GLRA2: variants seen among roughly 807,000 people sequenced by gnomAD.
GLRA2 encodes the protein glycine receptor subunit alpha-2.
Under a neutral mutation model 31.6 loss-of-function variants are expected in GLRA2, and 11 were observed. The ratio of observed to expected loss-of-function variants is 0.35; its 90% CI spans 0.22 to 0.58. The LOEUF (loss-of-function observed/expected upper bound fraction) is 0.58, where lower values mean the gene tolerates loss of function less well. Ranked by LOEUF, GLRA2 falls within the 20% of genes least tolerant of loss-of-function variation. GLRA2 has a pLI of 0.84. For synonymous variants in GLRA2, 132 were observed against 134.0 expected (o/e 0.99, Z 0.10); for missense variants, 212 against 351.8 (o/e 0.60, Z 3.18).
At chrX:14,712,812 A>G (rs1449946617) in intron 8 of GLRA2, among the ~76,000 whole-genome samples, 1 of 111,444 alleles carries the variant, frequency 9.0e-6, no homozygotes, top group Non-Finnish European at 1.9e-5. Flanking sequence ...AAGATCATAA[A>G]GTGGGAGTCC....
chrX:14,465,351 T>C, the GLRA2 span, among the ~76,000 whole-genome samples: 3 of 112,010 alleles, frequency 2.7e-5, no homozygotes, highest in South Asian at 1.1e-3. Context: ...AGTTTTTGGG[T>C]AGAGTCTTTA....
chrX:14,502,421 A>G, the GLRA2 span, among the ~76,000 whole-genome samples: 1 of 112,084 alleles, frequency 8.9e-6, no homozygotes, highest in Admixed American at 9.5e-5. Flanking sequence ...GATATATGTA[A>G]AAATATGCAA....
At position 14,563,045 on chromosome X, in the gene GLRA2, C is replaced by T. The variant is rs970779572; in HGVS notation, c.203-11288C>T. Among the ~76,000 whole-genome samples, 6 of 112,280 alleles carry T rather than the reference C, an allele frequency of 5.3e-5. No homozygotes were observed. In the Admixed American group the frequency reaches 5.6e-4, roughly 11 times the overall value. ...ACCATCTAAAAGCTTGGAAGTGAAA[C>T]TTAGAGTTTCTTAGGGAAATTAGGA... On this transcript the variant is annotated intron_variant, in intron 2 of 8. Transcript: ENST00000218075.
the GLRA2 span, among the ~76,000 whole-genome samples, chrX:14,463,955 T>C: frequency 8.9e-6 from 1 of 111,956 alleles, no homozygotes; most frequent in South Asian, 3.8e-4. Context: ...TCTGCATCTA[T>C]CTCACTGGGA....
At position 14,532,387 on chromosome X, in the gene GLRA2, A is replaced by C. The variant is rs761401234; in HGVS notation, c.202+15A>C. 1 of 1,113,522 alleles carries C rather than the reference A, an allele frequency of 9.0e-7. No individual in the cohort carries two copies. Among genetic ancestry groups the C allele is most frequent in the Admixed American group, 2.4e-5 (1 of 41,397 alleles). The allele number at this position is 1,113,522 out of a possible 1,213,427, so 91.8% of individuals were successfully genotyped here. ...AAATTTTAAAGGTAGGTTCCACTTA[A>C]ACTTACGTTAAGCCTTTGAGAAATC... On this transcript the variant is annotated intron_variant, in intron 2 of 8. Transcript: ENST00000218075.
chrX:14,504,097 G>A, the GLRA2 span, among the ~76,000 whole-genome samples: 1 of 111,755 alleles, frequency 8.9e-6, no homozygotes, highest in African/African-American at 3.3e-5. Flanking sequence ...CTAATTAATA[G>A]ATTTTCTTCC....
At chrX:14,531,314 A>G (rs1317397703) in intron 1 of GLRA2, 8 of 284,043 alleles carry the variant, frequency 2.8e-5, no homozygotes, top group Non-Finnish European at 4.5e-5. Context: ...AATTCATAAG[A>G]CACTATTTGT....
At chrX:14,532,214 C>T (rs996268653) in intron 1 of GLRA2, 25 bp from the exon 2 acceptor site, 9 of 1,074,886 alleles carry the variant, frequency 8.4e-6, no homozygotes, top group Non-Finnish European at 1.1e-5. Flanking sequence ...GAAATTGTTG[C>T]TAAAAGAGTT....
At chrX:14,543,847 G>C (rs759399303) in intron 2 of GLRA2, among the ~76,000 whole-genome samples, 2 of 111,149 alleles carry the variant, frequency 1.8e-5, no homozygotes, top group South Asian at 7.5e-4. Context: ...TTTTACACAG[G>C]GGTTTGCTTG....
chrX:14,461,753 A>G, the GLRA2 span, among the ~76,000 whole-genome samples: 1 of 111,835 alleles, frequency 8.9e-6, no homozygotes, highest in African/African-American at 3.3e-5. Context: ...CTTGCACGTG[A>G]GATGGATCTC....
At chrX:14,638,306 T>C (rs2090735692) in intron 7 of GLRA2, among the ~76,000 whole-genome samples, 1 of 111,152 alleles carries the variant, frequency 9.0e-6, no homozygotes, top group Admixed American at 9.6e-5. Context: ...TTATAACTTT[T>C]GCCATATCTT....
At chrX:14,462,534 C>T in the GLRA2 span, among the ~76,000 whole-genome samples, 8 of 111,715 alleles carry the variant, frequency 7.2e-5, no homozygotes, top group East Asian at 2.3e-3. Flanking sequence ...TTCTTGGAGG[C>T]TTTGTTCATT....
chrX:14,601,001 GTTT>G (rs746340611), intron 4 of GLRA2, among the ~76,000 whole-genome samples: 1,251 of 60,473 alleles, frequency 0.021, 9 homozygotes, highest in Middle Eastern at 0.04. Flanking sequence ...CTTTGTTGTT[GTTT>G]TTTTTTTTGT....
chrX:14,667,062 G>T (rs1240700343), intron 7 of GLRA2, among the ~76,000 whole-genome samples: 1 of 112,160 alleles, frequency 8.9e-6, no homozygotes, highest in Non-Finnish European at 1.9e-5. Context: ...GTGATTTGTT[G>T]ACTTATTGCT....
intron 2 of GLRA2, among the ~76,000 whole-genome samples, chrX:14,568,083 A>G (rs897242770): frequency 2.7e-5 from 3 of 111,807 alleles, no homozygotes; most frequent in Non-Finnish European, 5.6e-5. Context: ...TGCAATCCCT[A>G]TCAAAATTCC....
the GLRA2 span, among the ~76,000 whole-genome samples, chrX:14,483,100 TGAAA>T: frequency 3.6e-5 from 4 of 112,038 alleles, no homozygotes; most frequent in Non-Finnish European, 5.6e-5. Context: ...ATACGAATCA[TGAAA>T]GAGATACCTG....
rs769752747 is a variant in GLRA2, at chrX:14,584,291, C to T, written c.494+2885C>T. Among the ~76,000 whole-genome samples the T allele has an allele frequency of 1.2e-3, 136 of 111,857 alleles. 1 individual carries two copies. The highest frequency in any genetic ancestry group is 4.2e-3 in the African/African-American group (129 of 30,820). ...TATTTGGTTTTTGTCTTTTTTGTAA[C>T]ATCTACCAAATGTCTAGGACAATGT... On this transcript the variant is annotated intron_variant, in intron 4 of 8. Coordinates refer to ENST00000218075, the MANE Select transcript of GLRA2 (RefSeq NM_002063.4).
chrX:14,512,501 T>A, the GLRA2 span, among the ~76,000 whole-genome samples: 58 of 111,555 alleles, frequency 5.2e-4, 1 homozygote, highest in South Asian at 0.019. Context: ...GCTGATGATA[T>A]GATCATATAC....
At chrX:14,555,538 C>T (rs2089630511) in intron 2 of GLRA2, among the ~76,000 whole-genome samples, 1 of 111,627 alleles carries the variant, frequency 9.0e-6, no homozygotes, top group African/African-American at 3.3e-5. Flanking sequence ...CTGATCCCCA[C>T]CTCAAACAGG....
Sources: gnomAD v4.1 joint callset for allele counts (sites outside exome capture counted in the v4.1 genomes callset) on GRCh38, gnomAD v4.1.1 for gene constraint, MANE v1.5 for transcripts, NCBI Gene and HGNC (gene_info 2026-07-23, HGNC 2026-07-21) for gene names.